Variants in ODAD3 observed in about 807,000 individuals in gnomAD.
ODAD3 encodes the protein outer dynein arm docking complex subunit 3.
A neutral mutation model predicts 70.9 loss-of-function variants in ODAD3; 57 were observed. The observed-to-expected ratio is 0.80, with a 90% CI of 0.65 to 1.00. ODAD3 has a LOEUF of 1.00. ODAD3 is among the 50% of genes least tolerant of loss of function. The pLI is 0.00. For missense variants in ODAD3, 797 were observed against 763.9 expected (o/e 1.04, Z -0.51); for synonymous variants, 327 against 315.9 (o/e 1.04, Z -0.37).
At chr19:11,427,313 T>A (rs1949882863) in intron 3 of ODAD3, among the ~76,000 whole-genome samples, 2 of 151,614 alleles carry the variant, frequency 1.3e-5, no homozygotes, top group South Asian at 4.2e-4. Context: ...TTTTTTTTTT[T>A]AGACGGAGTC....
rs1307013258 is a variant in ODAD3 at position 11,425,144 on chromosome 19, T to C, written c.963+1000A>G. On this transcript the variant is annotated intron_variant, in intron 7 of 12. Transcript: ENST00000356392. ...GTACATATGTGTATATGTGTATATGTACATATGTATATATACATATGTGTA... is the reference window on the plus strand; with the variant it reads ...GTACATATGTGTATATGTGTATATGCACATATGTATATATACATATGTGTA... Among the ~76,000 whole-genome samples the C allele has an allele frequency of 4.6e-5, 6 of 130,354 alleles. 1 individual carries two copies. Among genetic ancestry groups the C allele is most frequent in the Non-Finnish European group, 9.2e-5 (6 of 64,952 alleles). 85.5% of individuals were successfully genotyped at this position (130,354 alleles called of 152,430 possible).
At position 11,424,108 on chromosome 19, in the gene ODAD3, T is replaced by G; in HGVS notation, c.964-79A>C. Reference sequence around the variant, plus strand: ...AGGAGGCCGGGGAGGGGGATCCAGATAGGGGCCCGCGAGGAACAGGGCTCA... The same window carrying G: ...AGGAGGCCGGGGAGGGGGATCCAGAGAGGGGCCCGCGAGGAACAGGGCTCA... On this transcript the variant is annotated intron_variant, in intron 7 of 12. Coordinates refer to ENST00000356392, the MANE Select transcript of ODAD3 (RefSeq NM_145045.5). 6 of 1,516,496 alleles carry G rather than the reference T, an allele frequency of 4.0e-6. No individual in the cohort carries two copies. The South Asian group carries it at 7.1e-5, about 18-fold the overall frequency. The allele number at this position is 1,516,496 out of a possible 1,614,324, so 93.9% of individuals were successfully genotyped here. A position where few individuals can be genotyped will look rare whatever the true frequency, so the allele number is the denominator to read the frequency against.
Position 11,430,701 on chromosome 19 carries a change from G to A in ODAD3, c.442C>T (p.Gln148Ter). 1 of 1,614,060 alleles carries A rather than the reference G, an allele frequency of 6.2e-7. No individual in the cohort carries two copies. The highest frequency in any genetic ancestry group is 8.5e-7 in the Non-Finnish European group (1 of 1,179,968). ...AGGTGGGGCGAGGGTGGGCAAACCT[G>A]TCCTGTCCTGTTCTTCAGGTATGGC... is the stretch of plus-strand genomic sequence containing the variant. ...EKPYLKNRTG[Q>*]ALEHLDHRLR... Residue 148 changes from glutamine to a stop codon, truncating the protein, a stop_gained and splice_region_variant, in exon 3 of 13, where the codon CAG (glutamine) becomes TAG (stop). Coordinates refer to ENST00000356392, the MANE Select transcript of ODAD3 (RefSeq NM_145045.5). LOFTEE classifies it high-confidence loss of function.
rs1370351645 is a variant in ODAD3, at chr19:11,422,476, T to C, written c.1429A>G (p.Thr477Ala). ...TTCCCCTGGGCGGGGCCTACCACAG[T>C]GATGTGGATCAGCTTGCTGGCCAGG... is the stretch of plus-strand genomic sequence containing the variant. ...EHLASKLIHI[T>A]VEDGRFAGKE... is the part of the protein sequence containing the mutation. Residue 477 changes from threonine to alanine, a missense_variant, in exon 10 of 13, where the codon ACT (threonine) becomes GCT (alanine). Physicochemically the swap from Thr to Ala is moderately conservative, Grantham distance 58. Transcript: ENST00000356392. The surrounding 1 kb of genome is among the most constrained non-coding windows in gnomAD (Gnocchi z 4.6). The C allele has an allele frequency of 6.3e-7, 1 of 1,589,874 alleles. No individual in the cohort carries two copies. The highest frequency in any genetic ancestry group is 8.6e-7 in the Non-Finnish European group (1 of 1,169,346).
In ODAD3 at chr19:11,430,931, C is replaced by T. The variant is rs1294561703; in HGVS notation, c.334G>A (p.Ala112Thr). The part of the protein sequence containing the change: ...TISQLRKETK[A>T]LELKLLDLLK... Reference sequence around the variant, plus strand: ...AGGTCCAGCAGCTTTAGTTCCAGTGCCTTAGTCTCCTTGCGGAGCTGACTG... The same window carrying T: ...AGGTCCAGCAGCTTTAGTTCCAGTGTCTTAGTCTCCTTGCGGAGCTGACTG... Residue 112 changes from alanine to threonine, a missense_variant, in exon 2 of 13, where the codon GCA becomes ACA. Ala to Thr is a moderately conservative substitution (Grantham distance 58). Coordinates refer to ENST00000356392, the MANE Select transcript of ODAD3 (RefSeq NM_145045.5). 1.2e-6 allele frequency: 2 copies of T among 1,614,056 alleles called. No homozygotes were observed. The highest frequency in any genetic ancestry group is 3.3e-5 in the Admixed American group (2 of 59,992).
At chr19:11,432,799 C>CT (rs909160129) in intron 1 of ODAD3, among the ~76,000 whole-genome samples, 328 of 145,798 alleles carry the variant, frequency 2.2e-3, no homozygotes, top group East Asian at 4.4e-3. Context: ...CAAGATTACC[C>CT]TTTTTTTTTT....
At position 11,434,301 on chromosome 19, in the gene ODAD3, G is replaced by A. The variant is rs145672323; in HGVS notation, c.244+472C>T. ...GTTTGGGAGGCCGAGGCGGGCTCAC[G>A]CCTGTAATCCCAGCAGTTTGGGAGG... On this transcript the variant is annotated intron_variant, in intron 1 of 12. Coordinates refer to ENST00000356392, the MANE Select transcript of ODAD3 (RefSeq NM_145045.5). Among the ~76,000 whole-genome samples, 26 of 150,860 alleles carry A rather than the reference G, an allele frequency of 1.7e-4. No individual in the cohort carries two copies. In the East Asian group the frequency reaches 2.9e-3, roughly 17 times the overall value.
chr19:11,433,908 CAGAGCA>C (rs1339238437), intron 1 of ODAD3, among the ~76,000 whole-genome samples: 11 of 151,990 alleles, frequency 7.2e-5, no homozygotes, highest in Admixed American at 7.2e-4. Context: ...GCCTCAACAG[CAGAGCA>C]AGACCCTGTC....
At chr19:11,421,913 CG>C (rs1467139671) in intron 10 of ODAD3, 81 bp from the exon 11 acceptor site, 12 of 1,486,866 alleles carry the variant, frequency 8.1e-6, no homozygotes, top group African/African-American at 2.8e-5. Context: ...GCTTTTCTTT[CG>C]GGGGCGGGGC....
intron 1 of ODAD3, among the ~76,000 whole-genome samples, chr19:11,433,588 T>A (rs1969549559): frequency 6.6e-6 from 1 of 152,222 alleles, no homozygotes; most frequent in African/African-American, 2.4e-5. Context: ...GTTGGACAAC[T>A]ATTATGCAGA....
chr19:11,425,379 GTGTA>G (rs1257384038), intron 7 of ODAD3, among the ~76,000 whole-genome samples: 1 of 124,298 alleles, frequency 8.0e-6, no homozygotes, highest in Non-Finnish European at 1.6e-5. Flanking sequence ...GTATATATGT[GTGTA>G]TGTACATATG....
intron 7 of ODAD3, among the ~76,000 whole-genome samples, chr19:11,425,332 T>G (rs978343190): frequency 1.4e-5 from 2 of 137,990 alleles, no homozygotes; most frequent in East Asian, 4.2e-4. Flanking sequence ...TATGTACATA[T>G]GTGTATATAT....
At chr19:11,428,281 A>C (rs1336586919) in intron 3 of ODAD3, among the ~76,000 whole-genome samples, 1 of 151,434 alleles carries the variant, frequency 6.6e-6, no homozygotes, top group Non-Finnish European at 1.5e-5. Context: ...TCACCCTGTC[A>C]CTCAGGCTGG....
chr19:11,432,199 C>CAGTT (rs1969518089), intron 1 of ODAD3, among the ~76,000 whole-genome samples: 1 of 152,194 alleles, frequency 6.6e-6, no homozygotes, highest in African/African-American at 2.4e-5. Flanking sequence ...CAGATACAAA[C>CAGTT]AGTTGTCCCT....
rs1555722159 is a variant in ODAD3, at chr19:11,425,071, G to GTGTATATGTGTATATATGTA, written c.964-1043_964-1042insTACATATATACACATATACA. ...TATATATGTGTATATGTGTATATAT[G>GTGTATATGTGTATATATGTA]TATATGTGTATATGTACATATGTGT... On this transcript the variant is annotated intron_variant, in intron 7 of 12. Coordinates refer to ENST00000356392, the MANE Select transcript of ODAD3 (RefSeq NM_145045.5). 1.3e-3 allele frequency among the ~76,000 whole-genome samples: 152 copies of GTGTATATGTGTATATATGTA among 117,892 alleles called. 18 individuals carry two copies. In the East Asian group the frequency reaches 0.029, roughly 22 times the overall value. The allele number at this position is 117,892 out of a possible 152,430, so 77.3% of individuals were successfully genotyped here.
intron 7 of ODAD3, among the ~76,000 whole-genome samples, chr19:11,425,160 C>CATATGTGT (rs1312228658): frequency 2.9e-5 from 3 of 102,894 alleles, no homozygotes; most frequent in East Asian, 5.7e-4. Context: ...TGTATATATA[C>CATATGTGT]ATATGTGTAT....
At chr19:11,435,214 C>A (rs1969646284), upstream of ODAD3, 13 of 1,418,318 alleles carry the variant, frequency 9.2e-6, no homozygotes, top group Non-Finnish European at 1.1e-5. Flanking sequence ...GGAGATCACC[C>A]GCGTTCCGTG....
At chr19:11,421,280 C>T (rs1420427748) in intron 11 of ODAD3, 68 bp from the exon 12 acceptor site, 45 of 1,391,456 alleles carry the variant, frequency 3.2e-5, no homozygotes, top group East Asian at 4.8e-5. Context: ...GTCACGTTCC[C>T]CCTCCTCCCT....
At chr19:11,421,586 CT>C in intron 11 of ODAD3, 90 bp downstream of exon 11, 2 of 1,478,076 alleles carry the variant, frequency 1.4e-6, no homozygotes, top group Admixed American at 4.1e-5. Context: ...AGCCTGCAAT[CT>C]GGTCTCCCGA....
Sources: allele counts gnomAD v4.1 joint callset (sites outside exome capture counted in the v4.1 genomes callset), GRCh38; gene constraint gnomAD v4.1.1; non-coding constraint Gnocchi (gnomAD v3.1); transcripts MANE v1.5; gene names NCBI Gene and HGNC (gene_info 2026-07-23, HGNC 2026-07-21).